THOC5: variants seen among roughly 807,000 people sequenced by gnomAD.
THOC5 encodes the protein Fms-interacting protein.
THOC5 carries 43 observed loss-of-function variants against 92.9 expected under a neutral mutation model. The ratio of observed to expected loss-of-function variants is 0.46; its 90% CI spans 0.36 to 0.60. The LOEUF (loss-of-function observed/expected upper bound fraction) is 0.60, where lower values mean the gene tolerates loss of function less well. THOC5 is among the 20% of genes least tolerant of loss of function. The pLI is 0.00. For synonymous variants in THOC5, 296 were observed against 320.1 expected, an observed-to-expected ratio of 0.92 and a Z score of 0.80; for missense variants, 659 against 849.4, an observed-to-expected ratio of 0.78 and a Z score of 2.79.
At chr22:29,539,280 C>A in intron 6 of THOC5, 50 bp downstream of exon 6, 3 of 1,590,556 alleles carry the variant, frequency 1.9e-6, no homozygotes, top group South Asian at 1.1e-5. Context: ...TGGGTCATGA[C>A]AAAGCACTGA....
chr22:29,536,716 A>T lies in THOC5; in HGVS notation c.622T>A (p.Cys208Ser). The change falls in exon 7 of 20, where the codon TGC becomes AGC. Residue 208 changes from cysteine (C) to serine (S), a missense_variant. Transcript: ENST00000490103. Reference protein sequence around the residue: ...RKRLAEKYRECLSNKEKILKE... With the variant: ...RKRLAEKYRESLSNKEKILKE... ...AGAATCTTCTCCTTGTTAGATAGGC[A>T]CTCTCGGTACTTCTCTGCCAGCCTG... 1.2e-6 allele frequency: 2 copies of T among 1,609,664 alleles called. No individual in the cohort carries two copies. Among genetic ancestry groups the T allele is most frequent in the African/African-American group, 2.7e-5 (2 of 74,678 alleles).
chr22:29,547,081 T>C (rs2064037518), intron 2 of THOC5, among the ~76,000 whole-genome samples: 2 of 152,014 alleles, frequency 1.3e-5, no homozygotes, highest in African/African-American at 2.4e-5. Context: ...TGACCTCAAG[T>C]GGTTCACCTG....
intron 5 of THOC5, among the ~76,000 whole-genome samples, chr22:29,541,661 A>G (rs1457626411): frequency 3.3e-5 from 5 of 150,730 alleles, no homozygotes; most frequent in Non-Finnish European, 7.4e-5. Context: ...GGAGATCGAG[A>G]CCATCCTGGC....
chr22:29,540,615 C>T (rs568387311), intron 5 of THOC5, among the ~76,000 whole-genome samples: 2 of 152,300 alleles, frequency 1.3e-5, no homozygotes, highest in South Asian at 4.1e-4. Context: ...CTGGGTTTGT[C>T]AGTTTCCATT....
chr22:29,546,332 C>A lies in THOC5; in HGVS notation c.97-1729G>T, dbSNP rs561872482. On this transcript the variant is annotated intron_variant, in intron 2 of 19. Transcript: ENST00000490103. ...CGCTTTCCCCATGGTGTTAATCCCC[C>A]ACGGGGATTAACATTAGGCTCCTTG... 7.9e-5 allele frequency among the ~76,000 whole-genome samples: 12 copies of A among 152,350 alleles called. 1 individual carries two copies. The South Asian group carries it at 2.5e-3, about 32-fold the overall frequency.
At chr22:29,526,147 T>A (rs2063539422) in intron 11 of THOC5, among the ~76,000 whole-genome samples, 1 of 151,766 alleles carries the variant, frequency 6.6e-6, no homozygotes, top group Non-Finnish European at 1.5e-5. Flanking sequence ...GGCACATGTA[T>A]CCCCAGAATC....
chr22:29,525,874 G>T lies in THOC5; in HGVS notation c.1139C>A (p.Thr380Lys), dbSNP rs1264823745. The T allele has an allele frequency of 6.2e-7, 1 of 1,614,044 alleles. No individual in the cohort carries two copies. Among genetic ancestry groups the T allele is most frequent in the East Asian group, 2.2e-5 (1 of 44,870 alleles). ...LNIMTVKAKV[T>K]TAMELITPIS... ...GGGGGTGATCAGCTCCATGGCAGTT[G>T]TCACTTTGGCTTTTACTGTCATGAT... Residue 380 changes from threonine (T) to lysine (K), a missense_variant, in exon 12 of 20, where the codon ACA (threonine) becomes AAA (lysine). By Grantham distance (78) the Thr-to-Lys change is moderately conservative. Coordinates refer to ENST00000490103, the MANE Select transcript of THOC5 (RefSeq NM_003678.5).
intron 11 of THOC5, among the ~76,000 whole-genome samples, chr22:29,526,866 C>G (rs985264475): frequency 1.5e-4 from 23 of 152,132 alleles, no homozygotes; most frequent in Non-Finnish European, 1.5e-5. Flanking sequence ...CACTCACTGC[C>G]TAGAGCAGAC....
At position 29,531,266 on chromosome 22, in the gene THOC5, G is replaced by A. The variant is rs1040083991; in HGVS notation, c.847+565C>T. The A allele has an allele frequency of 4.1e-6, 4 of 985,024 alleles. No homozygotes were observed. In the African/African-American group the frequency reaches 7.0e-5, roughly 17 times the overall value. The allele number at this position is 985,024 out of a possible 1,614,324, so 61.0% of individuals were successfully genotyped here. On this transcript the variant is annotated intron_variant, in intron 8 of 19. Coordinates refer to ENST00000490103, the MANE Select transcript of THOC5 (RefSeq NM_003678.5). ...TGTCTGATGAGGTGGGGTGGGGTGGGGGAGAAAATGTAGGTGCTGGGTGAA... is the reference window on the plus strand; with the variant it reads ...TGTCTGATGAGGTGGGGTGGGGTGGAGGAGAAAATGTAGGTGCTGGGTGAA...
Position 29,536,147 on chromosome 22 carries a change from A to G in THOC5, c.714+477T>C, listed in dbSNP as rs150818942. The G allele has an allele frequency of 6.5e-3, 996 of 153,394 alleles. 4 individuals carry two copies. Among genetic ancestry groups the G allele is most frequent in the Middle Eastern group, 0.014 (4 of 296 alleles). 9.5% of individuals were successfully genotyped at this position (153,394 alleles called of 1,614,324 possible). Reference sequence around the variant, plus strand: ...CCAAATCTGGCTTCGCAAAGCAAATAAAAAGTGGATCACCTATACAGAAAG... The same window carrying G: ...CCAAATCTGGCTTCGCAAAGCAAATGAAAAGTGGATCACCTATACAGAAAG... On this transcript the variant is annotated intron_variant, in intron 7 of 19. Coordinates refer to ENST00000490103, the MANE Select transcript of THOC5 (RefSeq NM_003678.5).
chr22:29,512,662 C>G (rs538602501), intron 17 of THOC5, among the ~76,000 whole-genome samples: 1 of 152,302 alleles, frequency 6.6e-6, no homozygotes, highest in East Asian at 1.9e-4. Flanking sequence ...ACCCTCTAGA[C>G]ACATTTTATT....
chr22:29,530,004 G>A (rs1484505817), intron 8 of THOC5, among the ~76,000 whole-genome samples: 1 of 151,952 alleles, frequency 6.6e-6, no homozygotes, highest in Non-Finnish European at 1.5e-5. Context: ...TTAGCTGTGT[G>A]TGGTGGCATG....
intron 9 of THOC5, 28 bp downstream of exon 9, chr22:29,529,134 G>A: frequency 6.2e-7 from 1 of 1,611,726 alleles, no homozygotes; most frequent in Non-Finnish European, 8.5e-7. Flanking sequence ...TGGTGTCCCT[G>A]GGGGACGAAT....
intron 1 of THOC5, among the ~76,000 whole-genome samples, chr22:29,552,963 A>G (rs1232550071): frequency 6.6e-6 from 1 of 152,154 alleles, no homozygotes; most frequent in Non-Finnish European, 1.5e-5. Context: ...TCTCTGAAAC[A>G]TGTGCTGTGT....
chr22:29,528,853 A>T (rs2063596897), intron 9 of THOC5: 2 of 502,078 alleles, frequency 4.0e-6, no homozygotes, highest in Non-Finnish European at 7.1e-6. Flanking sequence ...GCATTACCTT[A>T]TTTAATCCAC....
intron 12 of THOC5, 143 bp downstream of exon 12, chr22:29,525,695 T>A (rs2063528482): frequency 1.8e-6 from 1 of 569,164 alleles, no homozygotes; most frequent in Non-Finnish European, 3.1e-6. Context: ...GTGCCAGGAC[T>A]TCTGGTCCAT....
intron 9 of THOC5, 111 bp from the exon 10 acceptor site, chr22:29,528,577 T>G: frequency 9.7e-7 from 1 of 1,027,112 alleles, no homozygotes; most frequent in Non-Finnish European, 1.5e-6. Flanking sequence ...TGTAAATAAG[T>G]TTCTCTGTAA....
chr22:29,542,794 G>T, intron 5 of THOC5, 65 bp downstream of exon 5: 2 of 1,095,430 alleles, frequency 1.8e-6, no homozygotes, highest in Non-Finnish European at 2.7e-6. Context: ...CTTACAGTGA[G>T]CTACATGGGA....
intron 7 of THOC5, among the ~76,000 whole-genome samples, chr22:29,534,015 T>C (rs912867679): frequency 1.3e-5 from 2 of 152,222 alleles, no homozygotes; most frequent in Non-Finnish European, 2.9e-5. Context: ...GATGTACACA[T>C]GTATGCCAAA....
Sources: allele counts gnomAD v4.1 joint callset (sites outside exome capture counted in the v4.1 genomes callset), GRCh38; gene constraint gnomAD v4.1.1; transcripts MANE v1.5; gene names NCBI Gene and HGNC (gene_info 2026-07-23, HGNC 2026-07-21).